Variants in TFB1M observed in about 807,000 individuals in gnomAD.
TFB1M encodes the protein transcription factor B1, mitochondrial, also known as dimethyladenosine transferase 1, mitochondrial.
TFB1M carries 27 observed loss-of-function variants against 31.1 expected under a neutral mutation model. The ratio of observed to expected loss-of-function variants is 0.87; its 90% CI spans 0.64 to 1.20. TFB1M has a LOEUF of 1.20. TFB1M is among the 50% of genes most tolerant of loss of function. TFB1M has a pLI of 0.00. For synonymous variants in TFB1M, 166 were observed against 151.8 expected (o/e 1.09, Z -0.69); for missense variants, 394 against 418.7 (o/e 0.94, Z 0.51).
In TFB1M at chr6:155,276,620, G is replaced by A. The variant is rs78432552; in HGVS notation, c.666+8538C>T. 675 of 424,616 alleles carry A rather than the reference G, an allele frequency of 1.6e-3. 10 individuals are homozygous for A. The East Asian group carries it at 0.023, about 14-fold the overall frequency. The allele number at this position is 424,616 out of a possible 1,614,324, so 26.3% of individuals were successfully genotyped here. A position where few individuals can be genotyped will look rare whatever the true frequency, so the allele number is the denominator to read the frequency against. On this transcript the variant is annotated intron_variant, in intron 5 of 6. Coordinates refer to ENST00000367166, the MANE Select transcript of TFB1M (RefSeq NM_016020.4). ...TTTACTTAAAGATTTATAATTGAAA[G>A]AGGTTCTGATTACATTCATAAGGCA... is the stretch of plus-strand genomic sequence containing the variant.
At chr6:155,309,721 A>G (rs905487275) in intron 2 of TFB1M, among the ~76,000 whole-genome samples, 2 of 152,214 alleles carry the variant, frequency 1.3e-5, no homozygotes, top group African/African-American at 4.8e-5. Context: ...GGCTACACGA[A>G]TAAGCCCGAA....
At chr6:155,280,519 C>T (rs1394964902) in intron 5 of TFB1M, among the ~76,000 whole-genome samples, 2 of 152,150 alleles carry the variant, frequency 1.3e-5, no homozygotes, top group African/African-American at 4.8e-5. Context: ...CTTCCCCTGC[C>T]CTTTCCTGCT....
intron 5 of TFB1M, among the ~76,000 whole-genome samples, chr6:155,280,486 A>G (rs1374445405): frequency 6.6e-5 from 10 of 152,196 alleles, no homozygotes. Flanking sequence ...CTCCTCCAGG[A>G]GGAACAATAT....
chr6:155,250,461 A>G, the TFB1M span: 3 of 1,247,788 alleles, frequency 2.4e-6, no homozygotes, highest in Non-Finnish European at 3.3e-6. Context: ...GTTTAGGGAG[A>G]AAATGGCAGG....
the TFB1M span, chr6:155,247,884 A>C: frequency 7.5e-7 from 1 of 1,328,972 alleles, no homozygotes; most frequent in South Asian, 1.4e-5. Context: ...GTTTTCATTA[A>C]AGAATGGCAT....
the TFB1M span, chr6:155,245,759 T>TTTTG: frequency 2.6e-5 from 38 of 1,441,466 alleles, no homozygotes; most frequent in African/African-American, 4.9e-4. Flanking sequence ...TTTATAGTTT[T>TTTTG]TTTTTTTTTT....
At chr6:155,250,705 C>A in the TFB1M span, 2 of 1,309,360 alleles carry the variant, frequency 1.5e-6, no homozygotes, top group Non-Finnish European at 2.1e-6. Flanking sequence ...AAAATGCCTT[C>A]ACCTTTATGT....
rs565771374 is a variant in TFB1M at position 155,260,237 on chromosome 6, A to G, written c.794+36T>C. The G allele has an allele frequency of 7.4e-6, 12 of 1,612,890 alleles. No individual in the cohort carries two copies. In the African/African-American group the frequency reaches 1.2e-4, roughly 16 times the overall value. ...TTAAAAAGTGCCTGAGGATTTTATA[A>G]AGACTGCAACTGAAGAGAAGAAAAG... On this transcript the variant is annotated intron_variant, in intron 6 of 6. Transcript: ENST00000367166.
the TFB1M span, chr6:155,248,149 C>T: frequency 1.2e-6 from 2 of 1,614,006 alleles, no homozygotes; most frequent in Non-Finnish European, 8.5e-7. Flanking sequence ...CCTGACGGAC[C>T]AGGAGAGCGA....
At chr6:155,311,724 T>G (rs1778024568) in intron 1 of TFB1M, among the ~76,000 whole-genome samples, 1 of 152,230 alleles carries the variant, frequency 6.6e-6, no homozygotes, top group African/African-American at 2.4e-5. Flanking sequence ...ACATTGAATA[T>G]CTGAATAAGC....
chr6:155,244,231 T>A, the TFB1M span: 1 of 744,472 alleles, frequency 1.3e-6, no homozygotes, highest in Non-Finnish European at 2.2e-6. Flanking sequence ...AGCCTCCTCC[T>A]AAACCACTGC....
Position 155,305,198 on chromosome 6 carries a change from A to T in TFB1M, c.285+5990T>A, listed in dbSNP as rs1466728836. ...TATATATATATTAAATTATATATTT[A>T]TATATATATTAAATTATATATTTAT... On this transcript the variant is annotated intron_variant, in intron 2 of 6. Transcript: ENST00000367166. 1.1e-4 allele frequency among the ~76,000 whole-genome samples: 7 copies of T among 61,414 alleles called. 1 individual carries two copies. Among genetic ancestry groups the T allele is most frequent in the Non-Finnish European group, 1.5e-4 (6 of 39,536 alleles). The allele number at this position is 61,414 out of a possible 152,430, so 40.3% of individuals were successfully genotyped here. A position where few individuals can be genotyped will look rare whatever the true frequency, so the allele number is the denominator to read the frequency against.
intron 5 of TFB1M, 40 bp downstream of exon 5, chr6:155,285,118 C>A: frequency 6.2e-7 from 1 of 1,612,208 alleles, no homozygotes; most frequent in Non-Finnish European, 8.5e-7. Flanking sequence ...GAACAAACGT[C>A]CTAATTCCGA....
At chr6:155,258,140 T>TGAC (rs1784201615) in intron 6 of TFB1M, 58 bp from the exon 7 acceptor site, 2 of 1,597,952 alleles carry the variant, frequency 1.3e-6, no homozygotes, top group East Asian at 4.5e-5. Context: ...CTGCAAATCA[T>TGAC]GACACTTTTT....
At chr6:155,259,420 T>C (rs1281571617) in intron 6 of TFB1M, among the ~76,000 whole-genome samples, 2 of 152,266 alleles carry the variant, frequency 1.3e-5, no homozygotes, top group Admixed American at 1.3e-4. Flanking sequence ...TCCTCAGCAA[T>C]GGGCTTTGTG....
Position 155,256,604 on chromosome 6 carries a change from G to A in TFB1M, c.*1232C>T, listed in dbSNP as rs201441977. 638 of 1,614,090 alleles carry A rather than the reference G, an allele frequency of 4.0e-4. No individual in the cohort carries two copies. Among genetic ancestry groups the A allele is most frequent in the Non-Finnish European group, 5.3e-4 (622 of 1,180,046 alleles). On this transcript the variant is annotated 3_prime_UTR_variant, in exon 7 of 7. Coordinates refer to ENST00000367166, the MANE Select transcript of TFB1M (RefSeq NM_016020.4). ...AGCTTGAGCAGCGGCACCCAGAGCA[G>A]CGGCTGCCCCACGGCTGAGGGCAGG...
At chr6:155,251,836 G>C, downstream of TFB1M, 2 of 829,372 alleles carry the variant, frequency 2.4e-6, no homozygotes, top group Non-Finnish European at 3.9e-6. Context: ...TGAGGTCTTA[G>C]AGACTCATAC....
chr6:155,303,750 A>C (rs1777538514), intron 2 of TFB1M, among the ~76,000 whole-genome samples: 2 of 152,198 alleles, frequency 1.3e-5, no homozygotes, highest in African/African-American at 4.8e-5. Context: ...CTGGAAGGGG[A>C]ATAATTAAAA....
intron 2 of TFB1M, chr6:155,310,858 T>C (rs954895541): frequency 1.1e-5 from 3 of 272,438 alleles, no homozygotes; most frequent in African/African-American, 6.6e-5. Flanking sequence ...TTTATTTTTA[T>C]TTATTTTTGA....
Sources: gnomAD v4.1 joint callset for allele counts (sites outside exome capture counted in the v4.1 genomes callset) on GRCh38, gnomAD v4.1.1 for gene constraint, MANE v1.5 for transcripts, NCBI Gene and HGNC (gene_info 2026-07-23, HGNC 2026-07-21) for gene names.